The following AGTPBP1 variants were observed in gnomAD, a reference collection of about 807,000 sequenced individuals.
The protein encoded by AGTPBP1 is ATP/GTP binding carboxypeptidase 1.
Under a neutral mutation model 143.9 loss-of-function variants are expected in AGTPBP1, and 70 were observed. The ratio of observed to expected loss-of-function variants is 0.49; its 90% CI spans 0.40 to 0.59. The LOEUF is 0.59. Ranked by LOEUF, AGTPBP1 falls within the 20% of genes least tolerant of loss-of-function variation. The probability of loss-of-function intolerance (pLI) is 0.00; values close to 1 mark genes in which losing one functional copy is unlikely to be tolerated. For missense variants in AGTPBP1, 1,229 were observed against 1,464.5 expected, an observed-to-expected ratio of 0.84 and a Z score of 2.62; for synonymous variants, 463 against 500.2, an observed-to-expected ratio of 0.93 and a Z score of 0.99.
At chr9:85,677,934 G>A (rs973055797) in intron 5 of AGTPBP1, among the ~76,000 whole-genome samples, 2 of 152,250 alleles carry the variant, frequency 1.3e-5, no homozygotes, top group Admixed American at 1.3e-4. Context: ...AACCTAGGAG[G>A]CAGAGGTGGC....
intron 25 of AGTPBP1, among the ~76,000 whole-genome samples, chr9:85,551,515 T>C (rs942669554): frequency 6.6e-6 from 1 of 152,204 alleles, no homozygotes; most frequent in African/African-American, 2.4e-5. Context: ...GAACTGTGAC[T>C]TACCCATCTG....
the AGTPBP1 span, among the ~76,000 whole-genome samples, chr9:85,749,297 G>T: frequency 1.3e-5 from 2 of 151,968 alleles, no homozygotes; most frequent in Admixed American, 6.6e-5. Flanking sequence ...ACCTTGCCAC[G>T]TAGGGCAATT....
At chr9:85,658,677 G>A (rs1833679048) in intron 9 of AGTPBP1, among the ~76,000 whole-genome samples, 1 of 152,196 alleles carries the variant, frequency 6.6e-6, no homozygotes, top group Non-Finnish European at 1.5e-5. Flanking sequence ...TTAGCTGCCT[G>A]AATTATTACA....
intron 17 of AGTPBP1, among the ~76,000 whole-genome samples, 162 bp downstream of exon 17, chr9:85,618,821 G>C (rs1234601137): frequency 6.6e-6 from 1 of 152,056 alleles, no homozygotes; most frequent in Non-Finnish European, 1.5e-5. Context: ...ACCAACAAAA[G>C]CTTGACCTAT....
intron 25 of AGTPBP1, among the ~76,000 whole-genome samples, chr9:85,572,432 C>T (rs1012305393): frequency 4.6e-5 from 7 of 151,990 alleles, no homozygotes; most frequent in Non-Finnish European, 8.8e-5. Flanking sequence ...CCTATAAACT[C>T]CTTCTCATAA....
At chr9:85,641,509 C>G (rs1451892962) in intron 13 of AGTPBP1, among the ~76,000 whole-genome samples, 2 of 151,734 alleles carry the variant, frequency 1.3e-5, no homozygotes, top group Non-Finnish European at 2.9e-5. Flanking sequence ...CCTTCTATTA[C>G]CCCGATTTCA....
intron 10 of AGTPBP1, among the ~76,000 whole-genome samples, chr9:85,657,062 G>A (rs904581210): frequency 6.6e-5 from 10 of 152,118 alleles, no homozygotes; most frequent in African/African-American, 1.9e-4. Flanking sequence ...GATAGCATTG[G>A]GAGATATACC....
chr9:85,784,669 G>A, the AGTPBP1 span, among the ~76,000 whole-genome samples: 9 of 152,166 alleles, frequency 5.9e-5, no homozygotes, highest in African/African-American at 1.9e-4. Context: ...TTCCATGTAC[G>A]AGGATCTAGA....
At chr9:85,787,776 T>G in the AGTPBP1 span, 1 of 152,240 alleles carries the variant, frequency 6.6e-6, no homozygotes, top group African/African-American at 2.4e-5. Flanking sequence ...TTAAACTAAT[T>G]AATGTTTGGT....
chr9:85,734,914 T>C (rs1229443869), intron 1 of AGTPBP1, among the ~76,000 whole-genome samples: 1 of 152,044 alleles, frequency 6.6e-6, no homozygotes, highest in Non-Finnish European at 1.5e-5. Flanking sequence ...CACACACTTG[T>C]AGTCCCAGCT....
chr9:85,608,985 G>A (rs1046034990), intron 17 of AGTPBP1, among the ~76,000 whole-genome samples: 3 of 152,066 alleles, frequency 2.0e-5, no homozygotes, highest in Non-Finnish European at 4.4e-5. Context: ...AATATATTAC[G>A]GACAGTGGGG....
intron 7 of AGTPBP1, among the ~76,000 whole-genome samples, chr9:85,670,933 G>T (rs1212973282): frequency 1.3e-5 from 2 of 151,864 alleles, no homozygotes; most frequent in African/African-American, 4.8e-5. Flanking sequence ...TACATTTGGG[G>T]GTTTTTGTTG....
chr9:85,644,498 G>A (rs748485894), intron 12 of AGTPBP1, among the ~76,000 whole-genome samples: 4 of 149,390 alleles, frequency 2.7e-5, no homozygotes, highest in East Asian at 1.9e-4. Context: ...ACAACACTCC[G>A]AAAGCTCAAC....
the AGTPBP1 span, chr9:85,805,259 G>C: frequency 6.6e-6 from 1 of 152,248 alleles, no homozygotes; most frequent in Admixed American, 6.5e-5. Flanking sequence ...CTCGGCGGAC[G>C]CGCCAGGCCC....
At chr9:85,719,940 T>C (rs575189406) in intron 1 of AGTPBP1, among the ~76,000 whole-genome samples, 1 of 152,338 alleles carries the variant, frequency 6.6e-6, no homozygotes, top group South Asian at 2.1e-4. Context: ...TGTCATTGGT[T>C]CTGTTTATGT....
At chr9:85,802,912 T>C in the AGTPBP1 span, among the ~76,000 whole-genome samples, 1 of 152,240 alleles carries the variant, frequency 6.6e-6, no homozygotes, top group South Asian at 2.1e-4. Context: ...ACATAACATC[T>C]GCTCATGTTC....
chr9:85,599,431 TC>T (rs1829521106), intron 17 of AGTPBP1, among the ~76,000 whole-genome samples: 1 of 151,544 alleles, frequency 6.6e-6, no homozygotes, highest in Non-Finnish European at 1.5e-5. Flanking sequence ...CTCCACATTT[TC>T]TTTTCTTCCT....
chr9:85,632,793 G>A lies in AGTPBP1; in HGVS notation c.1884C>T (p.Asp628=), dbSNP rs1202707097. 1.2e-6 allele frequency: 2 copies of A among 1,613,990 alleles called. No individual in the cohort carries two copies. The highest frequency in any genetic ancestry group is 1.1e-5 in the South Asian group (1 of 91,084). The part of the protein sequence containing the change: ...VPDGPTLHDP[D]LYIEIVKNTK... ...TATTTTTCACAATCTCAATATAGAG[G>A]TCTGGGTCATGGAGTGTTGGTCCAT... The change falls in exon 14 of 26, where the codon GAC becomes GAT. Residue 628 remains aspartate, a synonymous_variant. Transcript: ENST00000357081.
chr9:85,715,237 C>T (rs1290061741), intron 1 of AGTPBP1, among the ~76,000 whole-genome samples: 2 of 149,600 alleles, frequency 1.3e-5, no homozygotes, highest in East Asian at 3.9e-4. Flanking sequence ...CAGAGCGAGA[C>T]TCTGTCTCAA....
Sources: gnomAD v4.1 joint callset for allele counts (sites outside exome capture counted in the v4.1 genomes callset) on GRCh38, gnomAD v4.1.1 for gene constraint, MANE v1.5 for transcripts, NCBI Gene and HGNC (gene_info 2026-07-23, HGNC 2026-07-21) for gene names.